BRSK1: variants seen among roughly 807,000 people sequenced by gnomAD.
BRSK1 encodes serine/threonine-protein kinase BRSK1.
Under a neutral mutation model 86.2 loss-of-function variants are expected in BRSK1, and 17 were observed. The observed-to-expected ratio is 0.20, with a 90% CI of 0.14 to 0.30. BRSK1 has a LOEUF of 0.30. Among genes scored for constraint, BRSK1 ranks in the 10% least tolerant of loss-of-function variants. The pLI is 1.00. For synonymous variants in BRSK1, 464 were observed against 440.1 expected (o/e 1.05, Z -0.68); for missense variants, 719 against 1,071.9 (o/e 0.67, Z 4.60).
At chr19:55,309,340 A>G (rs2088729146) in intron 18 of BRSK1, among the ~76,000 whole-genome samples, 1 of 152,246 alleles carries the variant, frequency 6.6e-6, no homozygotes, top group African/African-American at 2.4e-5. Context: ...AGTCCTGGTC[A>G]TCAAAGACTC....
chr19:55,302,509 G>C lies in BRSK1; in HGVS notation c.858-188G>C. Reference sequence around the variant, plus strand: ...CTGGACCCCTCGGTCGGAGGGAAAAGGGGCTGGAGGTCTGGACTCCTGGGT... The same window carrying C: ...CTGGACCCCTCGGTCGGAGGGAAAACGGGCTGGAGGTCTGGACTCCTGGGT... On this transcript the variant is annotated intron_variant, in intron 9 of 18. Transcript: ENST00000309383. The surrounding 1 kb of genome is among the most constrained non-coding windows in gnomAD (Gnocchi z 6.3). 2.7e-6 allele frequency: 2 copies of C among 738,382 alleles called. No homozygotes were observed. The highest frequency in any genetic ancestry group is 4.4e-6 in the Non-Finnish European group (2 of 458,384). 45.7% of individuals were successfully genotyped at this position (738,382 alleles called of 1,614,324 possible). A position where few individuals can be genotyped will look rare whatever the true frequency, so the allele number is the denominator to read the frequency against.
Position 55,294,317 on chromosome 19 carries a change from C to T in BRSK1, c.610-12C>T. ...GAGGAGCGATGAAGTCACAACTGGC[C>T]TTCCCTTCCAGGGGGAAAAATATGA... On this transcript the variant is annotated splice_polypyrimidine_tract_variant and intron_variant, in intron 6 of 18. Coordinates refer to ENST00000309383, the MANE Select transcript of BRSK1 (RefSeq NM_032430.2). This position sits in a 1 kb window ranked among gnomAD's most constrained non-coding sequence, Gnocchi z 4.9. The T allele has an allele frequency of 1.2e-6, 2 of 1,614,152 alleles. No individual in the cohort carries two copies. The highest frequency in any genetic ancestry group is 1.7e-6 in the Non-Finnish European group (2 of 1,180,034).
chr19:55,301,670 G>T lies in BRSK1; in HGVS notation c.825+12G>T. 1 of 1,610,640 alleles carries T rather than the reference G, an allele frequency of 6.2e-7. No individual in the cohort carries two copies. The highest frequency in any genetic ancestry group is 8.5e-7 in the Non-Finnish European group (1 of 1,178,476). The stretch of plus-strand genomic sequence containing the variant: ...AAAAAAGGCTCAGTGTGAGTTGAGG[G>T]GGGGACCGGCGGAGGGGGGAACAGT... On this transcript the variant is annotated intron_variant, in intron 8 of 18. Coordinates refer to ENST00000309383, the MANE Select transcript of BRSK1 (RefSeq NM_032430.2).
Position 55,284,093 on chromosome 19 carries a change from G to A in BRSK1, c.-350G>A, listed in dbSNP as rs1242345670. ...AGGAGAGAGGGCGCGTGGGGGGGCG[G>A]GGGGGACCTCGGCCTGCAGCATCCG... On this transcript the variant is annotated 5_prime_UTR_variant, in exon 1 of 19. Coordinates refer to ENST00000309383, the MANE Select transcript of BRSK1 (RefSeq NM_032430.2). 2.8e-5 allele frequency: 12 copies of A among 432,398 alleles called. No homozygotes were observed. Among genetic ancestry groups the A allele is most frequent in the East Asian group, 7.3e-5 (2 of 27,310 alleles). The allele number at this position is 432,398 out of a possible 1,614,324, so 26.8% of individuals were successfully genotyped here.
In BRSK1 at chr19:55,308,708, C is replaced by T; in HGVS notation, c.2159C>T (p.Pro720Leu). The part of the protein sequence containing the change: ...QAQLLSTHDQ[P>L]SVQALADEKN... ...CAGCTCCTGAGCACTCATGACCAGC[C>T]CTCCGTGCAGGCCCTGGCAGGTGGG... The change falls in exon 18 of 19, where the codon CCC (proline) becomes CTC (leucine). Residue 720 changes from proline (P) to leucine (L), a missense_variant. Physicochemically the swap from Pro to Leu is moderately conservative, Grantham distance 98 (BLOSUM62 -3). This residue lies in a region of BRSK1 where 180 missense variants were observed against 259.4 expected (regional missense o/e 0.69). Transcript: ENST00000309383. The T allele has an allele frequency of 1.9e-6, 3 of 1,598,302 alleles. No individual in the cohort carries two copies. Among genetic ancestry groups the T allele is most frequent in the Non-Finnish European group, 1.7e-6 (2 of 1,174,942 alleles).
rs2088651513 is a variant in BRSK1, at chr19:55,306,410, A to C, written c.2049A>C (p.Gly683=). Residue 683 remains glycine, a synonymous_variant, in exon 17 of 19, where the codon GGA becomes GGC. Coordinates refer to ENST00000309383, the MANE Select transcript of BRSK1 (RefSeq NM_032430.2). This position sits in a 1 kb window ranked among gnomAD's most constrained non-coding sequence, Gnocchi z 4.7. The part of the protein sequence containing the change: ...PEPSPRRDGS[G]GGGIYSVTFT... ...CCTCCCCGCGACGGGACGGCAGCGG[A>C]GGTGGTGGCATCTACTCCGTCACCT... 1 of 1,613,620 alleles carries C rather than the reference A, an allele frequency of 6.2e-7. No homozygotes were observed.
At chr19:55,308,800 C>CG (rs1427515176) in intron 18 of BRSK1, 72 bp downstream of exon 18, 1 of 7,660 alleles carries the variant, frequency 1.3e-4, no homozygotes, top group African/African-American at 5.3e-4. Flanking sequence ...GCGTGGGTGG[C>CG]GGGGGGCGTG....
In BRSK1 at chr19:55,284,572, C is replaced by A; in HGVS notation, c.130C>A (p.Gln44Lys). Residue 44 changes from glutamine to lysine, a missense_variant, in exon 1 of 19, where the codon CAG becomes AAG. Physicochemically the swap from Gln to Lys is moderately conservative, Grantham distance 53 (BLOSUM62 1). This residue lies in a region of BRSK1 where 71 missense variants were observed against 92.6 expected (regional missense o/e 0.77). Coordinates refer to ENST00000309383, the MANE Select transcript of BRSK1 (RefSeq NM_032430.2). Reference protein sequence around the residue: ...YRLEKTLGKGQTGLVKLGVHC... With the variant: ...YRLEKTLGKGKTGLVKLGVHC... ...GCTGGAGAAGACGCTGGGCAAAGGA[C>A]AGACAGGTGAGCCTAGCAGAAGGGG... 7.9e-7 allele frequency: 1 copy of A among 1,263,418 alleles called. No individual in the cohort carries two copies. The allele number at this position is 1,263,418 out of a possible 1,614,324, so 78.3% of individuals were successfully genotyped here.
rs1181288225 is a variant in BRSK1 at position 55,301,600 on chromosome 19, C to T, written c.767C>T (p.Pro256Leu). The change falls in exon 8 of 19, where the codon CCA becomes CTA. Residue 256 changes from proline (P) to leucine (L), a missense_variant. Coordinates refer to ENST00000309383, the MANE Select transcript of BRSK1 (RefSeq NM_032430.2). ...GVFHMPHFIP[P>L]DCQSLLRGMI... ...TTCCACATGCCCCACTTCATTCCTC[C>T]AGATTGCCAGAGCCTCCTGAGGGGA... is the stretch of plus-strand genomic sequence containing the variant. 3.7e-6 allele frequency: 6 copies of T among 1,613,176 alleles called. No individual in the cohort carries two copies. Among genetic ancestry groups the T allele is most frequent in the Non-Finnish European group, 5.1e-6 (6 of 1,179,732 alleles).
Position 55,294,288 on chromosome 19 carries a change from C to G in BRSK1, c.609+41C>G. ...ATAGAGGGGAGAGGGGTGGAGGCAG[C>G]AGTGAGGAGCGATGAAGTCACAACT... On this transcript the variant is annotated intron_variant, in intron 6 of 18. Coordinates refer to ENST00000309383, the MANE Select transcript of BRSK1 (RefSeq NM_032430.2). This position sits in a 1 kb window ranked among gnomAD's most constrained non-coding sequence, Gnocchi z 4.9. 1 of 1,614,096 alleles carries G rather than the reference C, an allele frequency of 6.2e-7. No homozygotes were observed. The highest frequency in any genetic ancestry group is 2.2e-5 in the East Asian group (1 of 44,870).
At chr19:55,301,878 G>A (rs1453899705) in intron 8 of BRSK1, among the ~76,000 whole-genome samples, 1 of 152,176 alleles carries the variant, frequency 6.6e-6, no homozygotes, top group Non-Finnish European at 1.5e-5. Flanking sequence ...CAGCGGGAGG[G>A]CGCAGGAGTA....
rs762289482 is a variant in BRSK1 at position 55,294,069 on chromosome 19, C to T, written c.511C>T (p.Arg171Cys). 1.9e-6 allele frequency: 3 copies of T among 1,613,940 alleles called. No homozygotes were observed. Among genetic ancestry groups the T allele is most frequent in the Non-Finnish European group, 1.7e-6 (2 of 1,179,916 alleles). ...NLLLDEKNNI[R>C]IADFGMASLQ... ...GCTTTTGGATGAGAAAAACAACATC[C>T]GCATTGCAGACTTCGGCATGGCGTC... The change falls in exon 5 of 19, where the codon CGC (arginine) becomes TGC (cysteine). Residue 171 changes from arginine (R) to cysteine (C), a missense_variant. Transcript: ENST00000309383. The surrounding 1 kb of genome is among the most constrained non-coding windows in gnomAD (Gnocchi z 4.9).
In BRSK1 at chr19:55,302,644, G is replaced by C; in HGVS notation, c.858-53G>C. On this transcript the variant is annotated intron_variant, in intron 9 of 18. Transcript: ENST00000309383. This position sits in a 1 kb window ranked among gnomAD's most constrained non-coding sequence, Gnocchi z 6.3. ...CCGGGATCATTGAGTCTAGAATGAA[G>C]AATGCTGAATCTCAGAAGCCCGGTT... is the stretch of plus-strand genomic sequence containing the variant. 1.9e-6 allele frequency: 3 copies of C among 1,567,216 alleles called. No homozygotes were observed. The highest frequency in any genetic ancestry group is 1.7e-6 in the Non-Finnish European group (2 of 1,152,494).
At position 55,284,407 on chromosome 19, in the gene BRSK1, G is replaced by T; in HGVS notation, c.-36G>T. 2 of 1,134,300 alleles carry T rather than the reference G, an allele frequency of 1.8e-6. No homozygotes were observed. 70.3% of individuals were successfully genotyped at this position (1,134,300 alleles called of 1,614,324 possible). A position where few individuals can be genotyped will look rare whatever the true frequency, so the allele number is the denominator to read the frequency against. On this transcript the variant is annotated 5_prime_UTR_variant, in exon 1 of 19. Transcript: ENST00000309383. ...ACGGGGCGACGGCCGCAGGGGGGGCGGCCGGGGGACCGGTCGGGCCGGGAC... is the reference window on the plus strand; with the variant it reads ...ACGGGGCGACGGCCGCAGGGGGGGCTGCCGGGGGACCGGTCGGGCCGGGAC...
intron 18 of BRSK1, among the ~76,000 whole-genome samples, chr19:55,309,847 G>T (rs1048577607): frequency 2.2e-4 from 34 of 152,316 alleles, no homozygotes; most frequent in Admixed American, 6.5e-4. Flanking sequence ...GAGACACGGG[G>T]TCACAGGGGA....
In BRSK1 at chr19:55,286,073, G is replaced by A. The variant is rs1296376046; in HGVS notation, c.137-934G>A. ...TGGAGTGCTGGGTCTGAGGGAGGAGGGGCTGGGGGCCTGGAGTGCTGGGTC... is the reference window on the plus strand; with the variant it reads ...TGGAGTGCTGGGTCTGAGGGAGGAGAGGCTGGGGGCCTGGAGTGCTGGGTC... On this transcript the variant is annotated intron_variant, in intron 1 of 18. Transcript: ENST00000309383. 1.1e-4 allele frequency among the ~76,000 whole-genome samples: 14 copies of A among 132,778 alleles called. 1 individual carries two copies. Among genetic ancestry groups the A allele is most frequent in the African/African-American group, 4.5e-4 (14 of 31,456 alleles). The allele number at this position is 132,778 out of a possible 152,430, so 87.1% of individuals were successfully genotyped here. A position where few individuals can be genotyped will look rare whatever the true frequency, so the allele number is the denominator to read the frequency against.
intron 1 of BRSK1, among the ~76,000 whole-genome samples, chr19:55,286,478 G>A: frequency 6.6e-6 from 1 of 151,662 alleles, no homozygotes; most frequent in East Asian, 2.0e-4. Flanking sequence ...AAGGTGGAGG[G>A]TGATCTGGGG....
chr19:55,299,328 A>G (rs923752699), intron 7 of BRSK1, among the ~76,000 whole-genome samples: 1 of 152,166 alleles, frequency 6.6e-6, no homozygotes, highest in East Asian at 1.9e-4. Context: ...AGAACTCTCA[A>G]GAATAACAAG....
At chr19:55,309,314 G>A (rs571064460) in intron 18 of BRSK1, among the ~76,000 whole-genome samples, 1 of 152,262 alleles carries the variant, frequency 6.6e-6, no homozygotes, top group East Asian at 1.9e-4. Flanking sequence ...GGGGAATCCG[G>A]CCTTCCCGGG....
Sources: gnomAD v4.1 joint callset for allele counts (sites outside exome capture counted in the v4.1 genomes callset) on GRCh38, gnomAD v4.1.1 for gene constraint, gnomAD v4.1.1 regional missense constraint, Gnocchi (gnomAD v3.1) non-coding constraint, MANE v1.5 for transcripts, NCBI Gene and HGNC (gene_info 2026-07-23, HGNC 2026-07-21) for gene names.